Variants in CADM1 observed in about 807,000 individuals in gnomAD.
CADM1 encodes TSLC-1.
CADM1 carries 15 observed loss-of-function variants against 53.1 expected under a neutral mutation model. The observed-to-expected ratio is 0.28, with a 90% CI of 0.19 to 0.44. CADM1 has a LOEUF of 0.44. CADM1 is among the 20% of genes least tolerant of loss of function. The probability of loss-of-function intolerance (pLI) is 1.00; values close to 1 mark genes in which losing one functional copy is unlikely to be tolerated. For synonymous variants in CADM1, 281 were observed against 243.0 expected (o/e 1.16, Z -1.45); for missense variants, 434 against 611.3 (o/e 0.71, Z 3.06).
chr11:115,304,594 T>C (rs975916302), intron 1 of CADM1, among the ~76,000 whole-genome samples: 1 of 151,940 alleles, frequency 6.6e-6, no homozygotes, highest in East Asian at 1.9e-4. Flanking sequence ...TAAATAGAGA[T>C]ATTGTGCTAA....
chr11:115,222,542 G>A (rs190806145), intron 5 of CADM1, among the ~76,000 whole-genome samples: 9 of 152,192 alleles, frequency 5.9e-5, no homozygotes, highest in South Asian at 4.1e-4. Flanking sequence ...TTTCACTGCC[G>A]TTTATTTTGT....
chr11:115,258,594 A>G (rs1351657021), intron 1 of CADM1, among the ~76,000 whole-genome samples: 1 of 152,244 alleles, frequency 6.6e-6, no homozygotes, highest in Non-Finnish European at 1.5e-5. Flanking sequence ...AGCCAGGCCC[A>G]GAGTCCAAAA....
chr11:115,284,114 C>CTCTCTGTGTG (rs1351842329), intron 1 of CADM1, among the ~76,000 whole-genome samples: 4 of 98,690 alleles, frequency 4.1e-5, no homozygotes, highest in African/African-American at 1.5e-4. Flanking sequence ...CTCTCTCTCT[C>CTCTCTGTGTG]TGTGTGTGTG....
intron 1 of CADM1, among the ~76,000 whole-genome samples, chr11:115,400,659 G>GTATA (rs1160438904): frequency 2.8e-4 from 11 of 38,662 alleles, no homozygotes; most frequent in South Asian, 9.0e-4. Flanking sequence ...GTGTGTGTGT[G>GTATA]TGTATATATA....
chr11:115,474,761 T>A (rs1052188320), intron 1 of CADM1, among the ~76,000 whole-genome samples: 2 of 151,674 alleles, frequency 1.3e-5, no homozygotes, highest in Non-Finnish European at 2.9e-5. Flanking sequence ...GACGAGTTAA[T>A]GGGTGCAGCA....
At chr11:115,302,677 G>T in intron 1 of CADM1, among the ~76,000 whole-genome samples, 1 of 151,984 alleles carries the variant, frequency 6.6e-6, no homozygotes, top group Admixed American at 6.6e-5. Flanking sequence ...TTGCTACTGG[G>T]GTTATTGTCA....
chr11:115,257,071 C>T (rs1942813058), intron 1 of CADM1, among the ~76,000 whole-genome samples: 1 of 152,202 alleles, frequency 6.6e-6, no homozygotes. Flanking sequence ...CAAGCACCAA[C>T]AATTGAGGCA....
chr11:115,203,792 C>T (rs1940550616), intron 8 of CADM1, among the ~76,000 whole-genome samples: 1 of 152,084 alleles, frequency 6.6e-6, no homozygotes, highest in African/African-American at 2.4e-5. Context: ...TTCTCATTCC[C>T]TCCTAAATCA....
intron 1 of CADM1, among the ~76,000 whole-genome samples, chr11:115,336,327 G>A (rs926406417): frequency 6.6e-6 from 1 of 152,096 alleles, no homozygotes; most frequent in African/African-American, 2.4e-5. Context: ...TATGAGAACA[G>A]TTTTCATCTC....
chr11:115,391,302 A>T (rs1024429901), intron 1 of CADM1, among the ~76,000 whole-genome samples: 3 of 152,232 alleles, frequency 2.0e-5, no homozygotes, highest in Non-Finnish European at 1.5e-5. Context: ...TGTCTGGTTT[A>T]CCACTATTTC....
intron 9 of CADM1, among the ~76,000 whole-genome samples, chr11:115,198,059 A>G (rs1241737247): frequency 6.6e-6 from 1 of 152,186 alleles, no homozygotes; most frequent in Non-Finnish European, 1.5e-5. Flanking sequence ...TGGGCCTTTA[A>G]TTCAGATGTT....
chr11:115,268,808 AG>A (rs1943217228), intron 1 of CADM1, among the ~76,000 whole-genome samples: 1 of 152,156 alleles, frequency 6.6e-6, no homozygotes, highest in Non-Finnish European at 1.5e-5. Flanking sequence ...ACCAGTGATA[AG>A]GTTGGGCATT....
intron 4 of CADM1, 27 bp from the exon 5 acceptor site, chr11:115,229,298 A>G: frequency 1.2e-6 from 2 of 1,612,764 alleles, no homozygotes; most frequent in Non-Finnish European, 1.7e-6. Flanking sequence ...GTACCAAGAC[A>G]CCAGAGTTGG....
intron 1 of CADM1, among the ~76,000 whole-genome samples, chr11:115,314,722 T>C (rs1944616641): frequency 6.6e-6 from 1 of 152,146 alleles, no homozygotes; most frequent in South Asian, 2.1e-4. Flanking sequence ...ATGACAGACA[T>C]AGCACCAGTG....
chr11:115,353,056 C>A (rs770715390), intron 1 of CADM1, among the ~76,000 whole-genome samples: 2 of 152,140 alleles, frequency 1.3e-5, no homozygotes, highest in Non-Finnish European at 2.9e-5. Flanking sequence ...GTGTTCTGGA[C>A]TGAAAATGCT....
chr11:115,238,825 A>AGTGTATGTGTGAGTGTGT (rs1267548361), intron 2 of CADM1, among the ~76,000 whole-genome samples, 173 bp from the exon 3 acceptor site: 1 of 152,006 alleles, frequency 6.6e-6, no homozygotes, highest in Non-Finnish European at 1.5e-5. Flanking sequence ...TACACATATC[A>AGTGTATGTGTGAGTGTGT]GTGTATGTGT....
Position 115,172,724 on chromosome 11 carries a change from G to GGT in CADM1, c.*3749_*3750insAC, listed in dbSNP as rs1938833999. ...GCAGGTGCTCAATAACTGCATATCT[G>GGT]ATTTTTTTTTTTTTTTTTTTTTTTT... is the stretch of plus-strand genomic sequence containing the variant. On this transcript the variant is annotated 3_prime_UTR_variant, in exon 12 of 12. Transcript: ENST00000331581. The GGT allele has an allele frequency of 1.0e-5, 1 of 98,264 alleles. No individual in the cohort carries two copies. Among genetic ancestry groups the GGT allele is most frequent in the Non-Finnish European group, 1.9e-5 (1 of 51,608 alleles). The allele number at this position is 98,264 out of a possible 1,614,324, so 6.1% of individuals were successfully genotyped here.
intron 3 of CADM1, among the ~76,000 whole-genome samples, chr11:115,235,698 G>T (rs1403782455): frequency 1.3e-5 from 2 of 152,168 alleles, no homozygotes; most frequent in African/African-American, 4.8e-5. Flanking sequence ...GATCCAGTAT[G>T]TGAAATCTCA....
chr11:115,453,982 T>A (rs1459728311), intron 1 of CADM1, among the ~76,000 whole-genome samples: 1 of 152,082 alleles, frequency 6.6e-6, no homozygotes, highest in Non-Finnish European at 1.5e-5. Context: ...TTATGCCTTA[T>A]CATTTGACAT....
Sources: gnomAD v4.1 joint callset for allele counts (sites outside exome capture counted in the v4.1 genomes callset) on GRCh38, gnomAD v4.1.1 for gene constraint, MANE v1.5 for transcripts, NCBI Gene and HGNC (gene_info 2026-07-23, HGNC 2026-07-21) for gene names.